Variants in NLGN4X observed in about 807,000 individuals in gnomAD.
NLGN4X encodes the protein neuroligin-4, X-linked.
Under a neutral mutation model 40.3 loss-of-function variants are expected in NLGN4X, and 3 were observed. The observed-to-expected ratio is 0.07, with a 90% confidence interval of 0.03 to 0.19. NLGN4X has a LOEUF of 0.19. Ranked by LOEUF, NLGN4X falls within the 10% of genes least tolerant of loss-of-function variation. The pLI, the probability that NLGN4X is intolerant of heterozygous loss-of-function variation, is 1.00. For missense variants in NLGN4X, 382 were observed against 708.3 expected, an observed-to-expected ratio of 0.54 and a Z score of 5.23; for synonymous variants, 270 against 306.8, an observed-to-expected ratio of 0.88 and a Z score of 1.25.
intron 5 of NLGN4X, among the ~76,000 whole-genome samples, chrX:5,901,591 T>C (rs1288245469): frequency 9.0e-6 from 1 of 111,375 alleles, no homozygotes; most frequent in East Asian, 2.8e-4. Context: ...ATATGCTTTT[T>C]GTATATTTTA....
chrX:5,983,464 TAAGA>T (rs1164903507), intron 3 of NLGN4X, among the ~76,000 whole-genome samples: 1 of 111,771 alleles, frequency 8.9e-6, no homozygotes, highest in Non-Finnish European at 1.9e-5. Context: ...CTGCAGGGAA[TAAGA>T]AAGTATTAAA....
intron 3 of NLGN4X, among the ~76,000 whole-genome samples, chrX:5,978,831 C>T (rs922574418): frequency 1.8e-5 from 2 of 111,513 alleles, no homozygotes; most frequent in Non-Finnish European, 1.9e-5. Flanking sequence ...CATAGCAGGG[C>T]GTGGTGGCAT....
intron 3 of NLGN4X, among the ~76,000 whole-genome samples, chrX:5,951,244 T>C (rs7888738): frequency 0.31 from 34,372 of 111,078 alleles, 5,087 homozygotes; most frequent in African/African-American, 0.59. Flanking sequence ...CAGGAACACA[T>C]TGGGATCTAG....
intron 1 of NLGN4X, among the ~76,000 whole-genome samples, chrX:6,220,280 T>C (rs763524855): frequency 1.6e-5 from 1 of 64,019 alleles, no homozygotes; most frequent in South Asian, 6.4e-4. Context: ...ACATTACTCA[T>C]ACTGGTGAGC....
intron 3 of NLGN4X, among the ~76,000 whole-genome samples, chrX:5,911,602 C>A (rs1411422826): frequency 8.9e-6 from 1 of 112,125 alleles, no homozygotes; most frequent in Non-Finnish European, 1.9e-5. Flanking sequence ...TCTGCCATGG[C>A]ATTTTCATTT....
intron 3 of NLGN4X, among the ~76,000 whole-genome samples, chrX:5,993,874 A>G (rs2035751586): frequency 8.9e-6 from 1 of 111,859 alleles, no homozygotes; most frequent in Non-Finnish European, 1.9e-5. Flanking sequence ...AAGAGATTCA[A>G]CCCAAGTCAA....
intron 1 of NLGN4X, among the ~76,000 whole-genome samples, chrX:6,225,059 G>C (rs1429361212): frequency 1.1e-5 from 1 of 92,540 alleles, no homozygotes; most frequent in East Asian, 3.3e-4. Flanking sequence ...GTGTGTGTAT[G>C]TCTGTATACA....
At position 6,174,924 on chromosome X, in the gene NLGN4X, CT is replaced by C. The variant is rs200905139; in HGVS notation, c.-305-23154del. Among the ~76,000 whole-genome samples the C allele has an allele frequency of 8.6e-3, 958 of 111,045 alleles. 8 individuals carry two copies. The highest frequency in any genetic ancestry group is 0.03 in the African/African-American group (919 of 30,510). ...TCTAGCAAACCTACACATGTACCCC[CT>C]GAATCTAAAATAAGTTGAAATAAAA... On this transcript the variant is annotated intron_variant, in intron 1 of 5. Transcript: ENST00000381095.
intron 2 of NLGN4X, among the ~76,000 whole-genome samples, chrX:6,126,009 A>C (rs2039535955): frequency 9.0e-6 from 1 of 110,689 alleles, no homozygotes; most frequent in Non-Finnish European, 1.9e-5. Flanking sequence ...TTAAGATTAA[A>C]AATGTGTTAT....
chrX:5,891,035 A>T lies in NLGN4X; in HGVS notation c.*1782T>A. On this transcript the variant is annotated 3_prime_UTR_variant, in exon 6 of 6. Transcript: ENST00000381095. The stretch of plus-strand genomic sequence containing the variant: ...TGGAGCCGAGGAACATGATCTTCAA[A>T]TATCTTTGGCTACTGTTTCTTGGTA... 1 of 301,780 alleles carries T rather than the reference A, an allele frequency of 3.3e-6. No homozygotes were observed. Among genetic ancestry groups the T allele is most frequent in the South Asian group, 3.1e-5 (1 of 32,250 alleles). 24.9% of individuals were successfully genotyped at this position (301,780 alleles called of 1,213,427 possible).
intron 3 of NLGN4X, among the ~76,000 whole-genome samples, chrX:6,013,005 TCAG>T (rs952457155): frequency 9.0e-6 from 1 of 111,547 alleles, no homozygotes; most frequent in African/African-American, 3.3e-5. Flanking sequence ...ATTGCAAAAT[TCAG>T]CAGAACTCTT....
At chrX:5,926,789 T>TACACACACACACACACAC (rs3072083) in intron 3 of NLGN4X, among the ~76,000 whole-genome samples, 22 of 93,055 alleles carry the variant, frequency 2.4e-4, no homozygotes, top group African/African-American at 7.9e-4. Flanking sequence ...CTAGAGAGCA[T>TACACACACACACACACAC]ACACACACAC....
intron 3 of NLGN4X, among the ~76,000 whole-genome samples, chrX:5,962,702 A>G (rs2034701681): frequency 9.0e-6 from 1 of 111,674 alleles, no homozygotes; most frequent in African/African-American, 3.3e-5. Context: ...TGGCATCTTT[A>G]AGAGGTTGTT....
At chrX:6,140,457 G>GACACAC (rs34281533) in intron 2 of NLGN4X, among the ~76,000 whole-genome samples, 229 of 96,028 alleles carry the variant, frequency 2.4e-3, no homozygotes, top group African/African-American at 6.5e-3. Flanking sequence ...TTCACACACA[G>GACACAC]ACACACACAC....
Position 6,021,680 on chromosome X carries a change from G to A in NLGN4X, c.625+7600C>T, listed in dbSNP as rs752888347. Among the ~76,000 whole-genome samples, 11 of 110,637 alleles carry A rather than the reference G, an allele frequency of 9.9e-5. No individual in the cohort carries two copies. In the East Asian group the frequency reaches 3.1e-3, roughly 31 times the overall value. On this transcript the variant is annotated intron_variant, in intron 3 of 5. Transcript: ENST00000381095. The stretch of plus-strand genomic sequence containing the variant: ...GTTTCCAAGTGTGTATTCAATGCAT[G>A]GAAACCTCATTATAAAGAAGATGAT...
At chrX:6,055,791 G>A (rs952018751) in intron 2 of NLGN4X, among the ~76,000 whole-genome samples, 9 of 111,736 alleles carry the variant, frequency 8.1e-5, no homozygotes, top group Admixed American at 1.9e-4. Context: ...TAGAGGATTT[G>A]ATAAATGATT....
At chrX:5,906,010 C>A (rs150847030) in intron 4 of NLGN4X, among the ~76,000 whole-genome samples, 59 of 111,572 alleles carry the variant, frequency 5.3e-4, no homozygotes, top group African/African-American at 1.8e-3. Context: ...TAGAAGCATG[C>A]CTTGCAGAAA....
intron 3 of NLGN4X, among the ~76,000 whole-genome samples, chrX:6,004,860 G>A (rs181595633): frequency 3.6e-5 from 4 of 111,626 alleles, no homozygotes; most frequent in Non-Finnish European, 5.6e-5. Context: ...AGACTGTAAC[G>A]TTTCACGTTC....
intron 3 of NLGN4X, among the ~76,000 whole-genome samples, chrX:5,993,698 A>G (rs936462954): frequency 9.8e-5 from 11 of 111,898 alleles, no homozygotes; most frequent in African/African-American, 2.9e-4. Context: ...AAGGATGAAG[A>G]TGCCGGAGGG....
Sources: gnomAD v4.1 joint callset for allele counts (sites outside exome capture counted in the v4.1 genomes callset) on GRCh38, gnomAD v4.1.1 for gene constraint, MANE v1.5 for transcripts, NCBI Gene and HGNC (gene_info 2026-07-23, HGNC 2026-07-21) for gene names.